Variants in BNC2 observed in about 807,000 individuals in gnomAD.
BNC2 encodes zinc finger protein basonuclin-2.
Under a neutral mutation model 76.3 loss-of-function variants are expected in BNC2, and 20 were observed. The ratio of observed to expected loss-of-function variants is 0.26; its 90% confidence interval spans 0.18 to 0.38. BNC2 has a LOEUF of 0.38. BNC2 is among the 10% of genes least tolerant of loss of function. The pLI is 1.00. For missense variants in BNC2, 1,382 were observed against 1,399.8 expected (o/e 0.99, Z 0.20); for synonymous variants, 582 against 514.8 (o/e 1.13, Z -1.77).
intron 5 of BNC2, among the ~76,000 whole-genome samples, chr9:16,528,851 T>C (rs1817891744): frequency 6.6e-6 from 1 of 152,240 alleles, no homozygotes; most frequent in Admixed American, 6.5e-5. Flanking sequence ...AAGAGGCCTG[T>C]ATTAGTTTCC....
chr9:16,639,756 A>C (rs1313778091), intron 3 of BNC2, among the ~76,000 whole-genome samples: 1 of 152,104 alleles, frequency 6.6e-6, no homozygotes, highest in Non-Finnish European at 1.5e-5. Context: ...CATCTCTACA[A>C]AAATTTTTTT....
intron 5 of BNC2, among the ~76,000 whole-genome samples, chr9:16,551,809 GA>G (rs1818671630): frequency 6.6e-6 from 1 of 152,182 alleles, no homozygotes; most frequent in Admixed American, 6.5e-5. Flanking sequence ...ATGAGATGAA[GA>G]AAGAGAGGGA....
At chr9:16,566,339 A>G (rs1226691920) in intron 4 of BNC2, among the ~76,000 whole-genome samples, 1 of 152,190 alleles carries the variant, frequency 6.6e-6, no homozygotes, top group African/African-American at 2.4e-5. Flanking sequence ...TGGAAGGGGT[A>G]AATGTATGAT....
chr9:16,770,072 G>A (rs1035455745), intron 1 of BNC2, among the ~76,000 whole-genome samples: 7 of 152,172 alleles, frequency 4.6e-5, no homozygotes, highest in African/African-American at 4.8e-5. Flanking sequence ...AGCAGTCACC[G>A]CCAGAAACAA....
chr9:16,677,490 T>G (rs896656432), intron 3 of BNC2, among the ~76,000 whole-genome samples: 1 of 151,770 alleles, frequency 6.6e-6, no homozygotes, highest in African/African-American at 2.4e-5. Context: ...GGAGAATTGC[T>G]TGGACCTCGG....
intron 1 of BNC2, among the ~76,000 whole-genome samples, chr9:16,788,858 C>T (rs1441209017): frequency 1.3e-5 from 2 of 152,098 alleles, no homozygotes; most frequent in African/African-American, 4.8e-5. Flanking sequence ...TCCTCTTTCC[C>T]ACCTGTTTTT....
chr9:16,582,898 C>CACACACACACACACACACAA (rs1204394695), intron 4 of BNC2, 85 bp downstream of exon 4: 2 of 785,540 alleles, frequency 2.5e-6, no homozygotes, highest in African/African-American at 1.7e-5. Flanking sequence ...AACAGACACA[C>CACACACACACACACACACAA]ACACACACAC....
rs924637600 is a variant in BNC2 at position 16,471,483 on chromosome 9, A to G, written c.670-33959T>C. Reference sequence around the variant, plus strand: ...TGATTTTTGTAGTTTTAGTAGAGACAGGGTTTCACTATGTTGGCCAGGCTG... The same window carrying G: ...TGATTTTTGTAGTTTTAGTAGAGACGGGGTTTCACTATGTTGGCCAGGCTG... On this transcript the variant is annotated intron_variant, in intron 5 of 6. Coordinates refer to ENST00000380672, the MANE Select transcript of BNC2 (RefSeq NM_017637.6). Among the ~76,000 whole-genome samples, 6 of 152,042 alleles carry G rather than the reference A, an allele frequency of 3.9e-5. 1 individual carries two copies. The highest frequency in any genetic ancestry group is 2.6e-4 in the Admixed American group (4 of 15,264).
chr9:16,504,049 G>T (rs546122570), intron 5 of BNC2, among the ~76,000 whole-genome samples: 1 of 152,078 alleles, frequency 6.6e-6, no homozygotes, highest in African/African-American at 2.4e-5. Context: ...AGGCAAGTCG[G>T]AATCCATATG....
At chr9:16,428,627 C>T (rs6475052) in intron 6 of BNC2, among the ~76,000 whole-genome samples, 87,784 of 152,002 alleles carry the variant, frequency 0.58, 28,600 homozygotes, top group African/African-American at 0.89. Flanking sequence ...ATAGCAATAC[C>T]GAGGCATCGC....
chr9:16,463,705 C>A (rs1409320801), intron 5 of BNC2, among the ~76,000 whole-genome samples: 1 of 152,084 alleles, frequency 6.6e-6, no homozygotes, highest in African/African-American at 2.4e-5. Flanking sequence ...TACATATTAA[C>A]AATGATAGGA....
intron 1 of BNC2, among the ~76,000 whole-genome samples, chr9:16,826,119 T>A (rs547779731): frequency 1.5e-4 from 23 of 152,178 alleles, no homozygotes; most frequent in Middle Eastern, 6.8e-3. Flanking sequence ...TGCAGCTGGA[T>A]CTTACTTACC....
rs776963457 is a variant in BNC2 at position 16,435,841 on chromosome 9, T to A, written c.2353A>T (p.Met785Leu). The A allele has an allele frequency of 1.0e-4, 165 of 1,613,830 alleles. No homozygotes were observed. The highest frequency in any genetic ancestry group is 1.3e-4 in the Non-Finnish European group (152 of 1,179,868). ...AGTCCATACTGGCTCATGTAAAACA[T>A]GTCGTAAGTGGGGTCTGTAAATTCT... ...KEEFTDPTYD[M>L]FYMSQYGLYN... Residue 785 changes from methionine (M) to leucine (L), a missense_variant, in exon 6 of 7, where the codon ATG becomes TTG. Around this residue, in one of 3 missense-constraint regions of BNC2, gnomAD observed 798 missense variants for 775.5 expected, o/e 1.03. Transcript: ENST00000380672.
At chr9:16,734,465 C>A (rs1824607362) in intron 2 of BNC2, among the ~76,000 whole-genome samples, 1 of 151,850 alleles carries the variant, frequency 6.6e-6, no homozygotes, top group African/African-American at 2.4e-5. Context: ...TTATAAGAGT[C>A]CATTAGAATT....
At chr9:16,772,751 C>T (rs1216638024) in intron 1 of BNC2, among the ~76,000 whole-genome samples, 2 of 152,096 alleles carry the variant, frequency 1.3e-5, no homozygotes, top group African/African-American at 4.8e-5. Flanking sequence ...GATGTGTTTG[C>T]CAATTATTTT....
intron 3 of BNC2, among the ~76,000 whole-genome samples, chr9:16,706,834 A>C (rs997442064): frequency 8.5e-5 from 13 of 152,224 alleles, no homozygotes; most frequent in African/African-American, 3.1e-4. Flanking sequence ...AGCAAAGGTT[A>C]CCAAAACCTA....
chr9:16,516,252 G>A (rs1467302341), intron 5 of BNC2, among the ~76,000 whole-genome samples: 1 of 151,512 alleles, frequency 6.6e-6, no homozygotes, highest in Non-Finnish European at 1.5e-5. Context: ...TTTTTTTTCA[G>A]TCCTACCAAG....
chr9:16,549,671 T>G (rs1464623499), intron 5 of BNC2, among the ~76,000 whole-genome samples: 2 of 152,234 alleles, frequency 1.3e-5, no homozygotes, highest in Non-Finnish European at 2.9e-5. Flanking sequence ...TGGGTTTACT[T>G]TTACAGTCTC....
At chr9:16,666,570 T>C (rs550520921) in intron 3 of BNC2, among the ~76,000 whole-genome samples, 2 of 152,334 alleles carry the variant, frequency 1.3e-5, no homozygotes, top group Admixed American at 6.5e-5. Flanking sequence ...CTAAGCTATC[T>C]TGGCAATTAA....
Sources: gnomAD v4.1 joint callset for allele counts (sites outside exome capture counted in the v4.1 genomes callset) on GRCh38, gnomAD v4.1.1 for gene constraint, gnomAD v4.1.1 regional missense constraint, MANE v1.5 for transcripts, NCBI Gene and HGNC (gene_info 2026-07-23, HGNC 2026-07-21) for gene names.